The following GAB1 variants were observed in gnomAD, a reference collection of about 807,000 sequenced individuals.
GAB1 encodes GRB2 associated binding protein 1, also known as GRB2-associated-binding protein 1.
GAB1 carries 19 observed loss-of-function variants against 66.5 expected under a neutral mutation model. The observed-to-expected ratio is 0.29, with a 90% CI of 0.20 to 0.42. GAB1 has a LOEUF of 0.42. Among genes scored for constraint, GAB1 ranks in the 10% least tolerant of loss-of-function variants. The pLI is 1.00. For synonymous variants in GAB1, 294 were observed against 301.4 expected, an observed-to-expected ratio of 0.98 and a Z score of 0.25; for missense variants, 732 against 858.5, an observed-to-expected ratio of 0.85 and a Z score of 1.84.
chr4:143,350,228 A>G (rs1327170315), intron 1 of GAB1: 2 of 601,696 alleles, frequency 3.3e-6, no homozygotes, highest in Non-Finnish European at 5.9e-6. Flanking sequence ...TGTCTGATGG[A>G]TACGTTGGCC....
At chr4:143,396,015 C>T (rs749616346) in intron 1 of GAB1, 2 of 454,948 alleles carry the variant, frequency 4.4e-6, no homozygotes, top group South Asian at 3.1e-5. Flanking sequence ...GCAGAGGGGA[C>T]CCAGGAAAGG....
In GAB1 at chr4:143,433,582, A is replaced by G. The variant is rs1733788936; in HGVS notation, c.459A>G (p.Ser153=). The change falls in exon 3 of 10, where the codon TCA becomes TCG. Residue 153 remains serine, a synonymous_variant. Transcript: ENST00000262994. Reference sequence around the variant, plus strand: ...CACCACCATCCACCCAGGCAGATTCATCCTCTGCTACTCTACCTCCTCCAT... The same window carrying G: ...CACCACCATCCACCCAGGCAGATTCGTCCTCTGCTACTCTACCTCCTCCAT... ...NTAPPSTQAD[S]SSATLPPPYQ... The G allele has an allele frequency of 6.2e-6, 10 of 1,613,874 alleles. No homozygotes were observed. The highest frequency in any genetic ancestry group is 8.5e-6 in the Non-Finnish European group (10 of 1,179,776).
At chr4:143,393,047 C>T (rs377296421) in intron 1 of GAB1, among the ~76,000 whole-genome samples, 1 of 151,908 alleles carries the variant, frequency 6.6e-6, no homozygotes, top group Non-Finnish European at 1.5e-5. Context: ...TTCATGTGGA[C>T]TATGGGCTGT....
intron 3 of GAB1, among the ~76,000 whole-genome samples, chr4:143,437,167 T>A (rs1211350803): frequency 6.6e-6 from 1 of 152,138 alleles, no homozygotes; most frequent in Non-Finnish European, 1.5e-5. Flanking sequence ...CATAGTTATT[T>A]AAAGAAATAT....
At chr4:143,351,832 T>C (rs965057391) in intron 1 of GAB1, among the ~76,000 whole-genome samples, 1 of 152,212 alleles carries the variant, frequency 6.6e-6, no homozygotes, top group African/African-American at 2.4e-5. Flanking sequence ...TTTATCTGGC[T>C]CAGAATATCA....
At chr4:143,410,287 G>T (rs1049175414) in intron 1 of GAB1, among the ~76,000 whole-genome samples, 6 of 152,134 alleles carry the variant, frequency 3.9e-5, no homozygotes, top group Admixed American at 3.9e-4. Flanking sequence ...ACAAAACAGG[G>T]TGTACAGCAG....
chr4:143,457,673 C>CA, intron 6 of GAB1: 1 of 1,349,764 alleles, frequency 7.4e-7, no homozygotes, highest in African/African-American at 1.5e-5. Flanking sequence ...TTCTTTTTAC[C>CA]AATTAGGTCA....
intron 8 of GAB1, among the ~76,000 whole-genome samples, chr4:143,460,688 A>T (rs1424294569): frequency 6.9e-6 from 1 of 144,326 alleles, no homozygotes; most frequent in African/African-American, 2.6e-5. Flanking sequence ...TAAATGAGTT[A>T]AAAAAAAAAA....
At chr4:143,444,726 A>G (rs1339097375) in intron 6 of GAB1, among the ~76,000 whole-genome samples, 1 of 152,156 alleles carries the variant, frequency 6.6e-6, no homozygotes, top group African/African-American at 2.4e-5. Context: ...GGAACTGAAC[A>G]TAGCACCCAA....
At chr4:143,442,980 C>CA (rs1323278151) in intron 6 of GAB1, among the ~76,000 whole-genome samples, 2 of 142,290 alleles carry the variant, frequency 1.4e-5, no homozygotes, top group Admixed American at 1.4e-4. Context: ...TCATAGTATT[C>CA]AAAAAAAATT....
chr4:143,432,474 A>G (rs1249975072), intron 2 of GAB1, among the ~76,000 whole-genome samples: 1 of 152,190 alleles, frequency 6.6e-6, no homozygotes, highest in Admixed American at 6.5e-5. Context: ...GCAAAAAGGG[A>G]AAAGAAGAAA....
intron 6 of GAB1, among the ~76,000 whole-genome samples, chr4:143,443,156 A>G (rs28925919): frequency 0.031 from 4,647 of 151,618 alleles, 247 homozygotes; most frequent in African/African-American, 0.11. Flanking sequence ...AGCTGGGACT[A>G]CAGGCACCTG....
At chr4:143,368,112 T>G (rs1312262255) in intron 1 of GAB1, among the ~76,000 whole-genome samples, 1 of 152,076 alleles carries the variant, frequency 6.6e-6, no homozygotes, top group Non-Finnish European at 1.5e-5. Context: ...TGGACTAGTA[T>G]TTTTAGTCAC....
chr4:143,423,792 G>GTGTATA (rs1409168050), intron 2 of GAB1, among the ~76,000 whole-genome samples: 6 of 67,734 alleles, frequency 8.9e-5, no homozygotes, highest in East Asian at 9.9e-4. Context: ...AAAAAAAAGT[G>GTGTATA]TATATATATA....
chr4:143,438,108 T>C lies in GAB1; in HGVS notation c.703T>C (p.Phe235Leu). The change falls in exon 4 of 10, where the codon TTT becomes CTT. Residue 235 changes from phenylalanine (F) to leucine (L), a missense_variant. Physicochemically the swap from Phe to Leu is conservative, Grantham distance 22 (BLOSUM62 0). Coordinates refer to ENST00000262994, the MANE Select transcript of GAB1 (RefSeq NM_002039.4). ...CCAGAGCAAACATGGAATGAATGGC[T>C]TTTTTCAGCAGCAAATGATATACGA... Reference protein sequence around the residue: ...SSQSKHGMNGFFQQQMIYDSP... With the variant: ...SSQSKHGMNGLFQQQMIYDSP... 2 of 1,614,076 alleles carry C rather than the reference T, an allele frequency of 1.2e-6. No individual in the cohort carries two copies. Among genetic ancestry groups the C allele is most frequent in the Non-Finnish European group, 1.7e-6 (2 of 1,179,998 alleles).
intron 2 of GAB1, among the ~76,000 whole-genome samples, chr4:143,431,531 C>T (rs1033612577): frequency 2.0e-5 from 3 of 152,158 alleles, no homozygotes; most frequent in Admixed American, 6.5e-5. Context: ...ACTTTAGCTG[C>T]GCGAAGTGGT....
intron 1 of GAB1, among the ~76,000 whole-genome samples, chr4:143,369,373 G>A (rs1244625040): frequency 6.6e-6 from 1 of 152,128 alleles, no homozygotes; most frequent in Non-Finnish European, 1.5e-5. Flanking sequence ...AACCGCAGCT[G>A]GCCAAGAAAT....
chr4:143,351,768 T>G (rs1221725242), intron 1 of GAB1, among the ~76,000 whole-genome samples: 1 of 152,178 alleles, frequency 6.6e-6, no homozygotes, highest in Non-Finnish European at 1.5e-5. Context: ...GAGGAATGCT[T>G]CTGGTATCTA....
At chr4:143,451,723 G>A (rs899452340) in intron 6 of GAB1, among the ~76,000 whole-genome samples, 12 of 152,082 alleles carry the variant, frequency 7.9e-5, no homozygotes, top group Non-Finnish European at 1.2e-4. Flanking sequence ...TGTTGAGACA[G>A]GATCAAACAG....
Sources: gnomAD v4.1 joint callset for allele counts (sites outside exome capture counted in the v4.1 genomes callset) on GRCh38, gnomAD v4.1.1 for gene constraint, MANE v1.5 for transcripts, NCBI Gene and HGNC (gene_info 2026-07-23, HGNC 2026-07-21) for gene names.